The following SGCA variants were observed in gnomAD, a reference collection of about 807,000 sequenced individuals.
SGCA encodes the protein sarcoglycan alpha.
In SGCA, 34 loss-of-function variants were observed where a neutral mutation model predicts 38.1. The ratio of observed to expected loss-of-function variants is 0.89; its 90% CI spans 0.68 to 1.19. The LOEUF (loss-of-function observed/expected upper bound fraction) is 1.19. Ranked by LOEUF, SGCA falls within the 50% of genes most tolerant of loss-of-function variation. SGCA has a pLI of 0.00. For synonymous variants in SGCA, 209 were observed against 214.6 expected (o/e 0.97, Z 0.23); for missense variants, 476 against 524.9 (o/e 0.91, Z 0.91).
chr17:50,175,147 C>T, intron 8 of SGCA, 110 bp from the exon 9 acceptor site: 1 of 999,048 alleles, frequency 1.0e-6, no homozygotes, highest in Non-Finnish European at 1.5e-6. Flanking sequence ...GTCTGAGTCT[C>T]TCCCCACATA....
chr17:50,170,292 G>C lies in SGCA; in HGVS notation c.897G>C (p.Leu299=). Residue 299 remains leucine (L), a synonymous_variant, in exon 7 of 10, where the codon CTG becomes CTC. Coordinates refer to ENST00000262018, the MANE Select transcript of SGCA (RefSeq NM_000023.4). ...TGGTCACCCTCCTGGTGCCCCTGCTGGTGGCCCTGCTTCTCACCTTGCTGC... is the reference window on the plus strand; with the variant it reads ...TGGTCACCCTCCTGGTGCCCCTGCTCGTGGCCCTGCTTCTCACCTTGCTGC... ...DALVTLLVPL[L]VALLLTLLLA... is the part of the protein sequence containing the mutation. 6.2e-7 allele frequency: 1 copy of C among 1,614,206 alleles called. No individual in the cohort carries two copies. Among genetic ancestry groups the C allele is most frequent in the Non-Finnish European group, 8.5e-7 (1 of 1,180,024 alleles).
intron 8 of SGCA, among the ~76,000 whole-genome samples, chr17:50,173,422 C>A (rs1905632884): frequency 7.7e-6 from 1 of 129,702 alleles, no homozygotes; most frequent in Admixed American, 8.4e-5. Flanking sequence ...TGTGCGTGTG[C>A]CTGAGTGTGT....
At chr17:50,169,640 C>A in intron 6 of SGCA, 1 of 326,112 alleles carries the variant, frequency 3.1e-6, no homozygotes, top group South Asian at 3.6e-5. Flanking sequence ...CTAGCAAACC[C>A]ACTTACAACA....
chr17:50,172,677 A>G (rs145676626), intron 8 of SGCA, among the ~76,000 whole-genome samples: 6 of 152,148 alleles, frequency 3.9e-5, no homozygotes, highest in Non-Finnish European at 8.8e-5. Context: ...TGATCCCACC[A>G]TCTTGACCCA....
At chr17:50,170,434 A>T in intron 7 of SGCA, 83 bp downstream of exon 7, 1 of 1,431,644 alleles carries the variant, frequency 7.0e-7, no homozygotes, top group Non-Finnish European at 9.8e-7. Context: ...GCTGTATGGG[A>T]CCCAGACACC....
intron 8 of SGCA, chr17:50,171,321 C>T (rs1259728158): frequency 1.7e-5 from 6 of 356,380 alleles, no homozygotes; most frequent in Non-Finnish European, 3.4e-5. Context: ...AATCCTTCCT[C>T]TCTTATTTTG....
At position 50,167,867 on chromosome 17, in the gene SGCA, C is replaced by T; in HGVS notation, c.313-80C>T. On this transcript the variant is annotated intron_variant, in intron 3 of 9. Transcript: ENST00000262018. The surrounding 1 kb of genome is among the most constrained non-coding windows in gnomAD (Gnocchi z 4.5). ...AATTTACATACCTCTAATTTGGTAT[C>T]TGAGTCCTCTCCTGCCAGGCCCCCG... 1.3e-6 allele frequency: 2 copies of T among 1,531,354 alleles called. No individual in the cohort carries two copies. Among genetic ancestry groups the T allele is most frequent in the African/African-American group, 1.4e-5 (1 of 73,322 alleles). 94.9% of individuals were successfully genotyped at this position (1,531,354 alleles called of 1,614,324 possible).
intron 8 of SGCA, chr17:50,171,833 T>C (rs1380127295): frequency 4.4e-6 from 2 of 456,768 alleles, no homozygotes; most frequent in East Asian, 6.9e-5. Context: ...CAGGGACACA[T>C]ACTTGCAGGT....
chr17:50,170,422 G>C lies in SGCA; in HGVS notation c.956+71G>C, dbSNP rs1316332770. The C allele has an allele frequency of 2.7e-6, 4 of 1,481,494 alleles. No individual in the cohort carries two copies. The African/African-American group carries it at 5.5e-5, about 21-fold the overall frequency. 91.8% of individuals were successfully genotyped at this position (1,481,494 alleles called of 1,614,324 possible). ...ACCCATGGGACTCACAGTGGCACTT[G>C]TGCTGTATGGGACCCAGACACCATG... On this transcript the variant is annotated intron_variant, in intron 7 of 9. Transcript: ENST00000262018.
At chr17:50,171,051 G>A (rs1905349076) in intron 8 of SGCA, among the ~76,000 whole-genome samples, 1 of 152,186 alleles carries the variant, frequency 6.6e-6, no homozygotes, top group African/African-American at 2.4e-5. Context: ...GCGACAGAGT[G>A]AAACTCTTTC....
chr17:50,171,478 C>G lies in SGCA; in HGVS notation c.983+812C>G, dbSNP rs181050621. On this transcript the variant is annotated intron_variant, in intron 8 of 9. Coordinates refer to ENST00000262018, the MANE Select transcript of SGCA (RefSeq NM_000023.4). ...CCCACTGCACTGAGCCAATGGCGGT[C>G]TTGGCACCCCTGACTGCTTGCCTGG... The G allele has an allele frequency of 2.9e-3, 1,311 of 456,582 alleles. 10 individuals carry two copies. Among genetic ancestry groups the G allele is most frequent in the Non-Finnish European group, 4.4e-3 (995 of 226,912 alleles). 28.3% of individuals were successfully genotyped at this position (456,582 alleles called of 1,614,324 possible). A position where few individuals can be genotyped will look rare whatever the true frequency, so the allele number is the denominator to read the frequency against.
At position 50,175,284 on chromosome 17, in the gene SGCA, C is replaced by A. The variant is rs1209145667; in HGVS notation, c.1011C>A (p.Ile337=). The A allele has an allele frequency of 6.2e-7, 1 of 1,607,718 alleles. No homozygotes were observed. Among genetic ancestry groups the A allele is most frequent in the East Asian group, 2.2e-5 (1 of 44,730 alleles). The change falls in exon 9 of 10, where the codon ATC becomes ATA. Residue 337 remains isoleucine, a synonymous_variant. Transcript: ENST00000262018. ...TCCAGATGGTCCACCACTGCACCAT[C>A]CACGGGAACACAGAGGAGCTGCGGC... is the stretch of plus-strand genomic sequence containing the variant. ...SDIQMVHHCT[I]HGNTEELRQM...
Position 50,167,742 on chromosome 17 carries a change from G to A in SGCA, c.312+6G>A, listed in dbSNP as rs371433770. On this transcript the variant is annotated splice_donor_region_variant and intron_variant, in intron 3 of 9. Transcript: ENST00000262018. This position sits in a 1 kb window ranked among gnomAD's most constrained non-coding sequence, Gnocchi z 4.5. ...GTGGGCTCCAGGTCATTGAGGTGCCGTCAGGGACCCTGAGAAAATCACAGG... is the reference window on the plus strand; with the variant it reads ...GTGGGCTCCAGGTCATTGAGGTGCCATCAGGGACCCTGAGAAAATCACAGG... 46 of 1,605,522 alleles carry A rather than the reference G, an allele frequency of 2.9e-5. No homozygotes were observed. The highest frequency in any genetic ancestry group is 6.7e-5 in the African/African-American group (5 of 74,626).
At chr17:50,171,367 A>T in intron 8 of SGCA, 1 of 374,800 alleles carries the variant, frequency 2.7e-6, no homozygotes, top group Non-Finnish European at 5.3e-6. Context: ...TACCCCTCCT[A>T]TGTGCCCCCA....
chr17:50,170,389 G>A (rs1331160514), intron 7 of SGCA, 38 bp downstream of exon 7: 1 of 1,582,372 alleles, frequency 6.3e-7, no homozygotes, highest in Admixed American at 1.7e-5. Flanking sequence ...GCACCTGCTG[G>A]AGCTCACACC....
intron 8 of SGCA, among the ~76,000 whole-genome samples, chr17:50,172,800 C>G (rs549148476): frequency 1.5e-5 from 2 of 133,002 alleles, no homozygotes; most frequent in African/African-American, 3.3e-5. Flanking sequence ...CAGAGATGTA[C>G]GCTAAGTTGA....
intron 8 of SGCA, chr17:50,171,467 C>T: frequency 2.2e-6 from 1 of 456,412 alleles, no homozygotes; most frequent in Non-Finnish European, 4.4e-6. Flanking sequence ...CTGCACTGAG[C>T]CAATGGCGGT....
chr17:50,169,445 A>ACACACACACACC (rs369628436), intron 6 of SGCA, 191 bp downstream of exon 6: 659 of 574,318 alleles, frequency 1.1e-3, no homozygotes, highest in Non-Finnish European at 1.7e-3. Context: ...ACACACACAC[A>ACACACACACACC]CCCCTGAAGT....
In SGCA at chr17:50,167,439, G is replaced by T; in HGVS notation, c.109G>T (p.Val37Leu). The change falls in exon 2 of 10, where the codon GTG (valine) becomes TTG (leucine). Residue 37 changes from valine (V) to leucine (L), a missense_variant. Coordinates refer to ENST00000262018, the MANE Select transcript of SGCA (RefSeq NM_000023.4). The surrounding 1 kb of genome is among the most constrained non-coding windows in gnomAD (Gnocchi z 4.5). Reference sequence around the variant, plus strand: ...ACACCCACTTGTGGGCCGTGTCTTTGTGCACACCTTGGACCATGAGACGTT... The same window carrying T: ...ACACCCACTTGTGGGCCGTGTCTTTTTGCACACCTTGGACCATGAGACGTT... ...TLHPLVGRVF[V>L]HTLDHETFLS... 1.9e-6 allele frequency: 3 copies of T among 1,614,162 alleles called. No homozygotes were observed. The South Asian group carries it at 3.3e-5, about 18-fold the overall frequency.
Sources: gnomAD v4.1 joint callset for allele counts (sites outside exome capture counted in the v4.1 genomes callset) on GRCh38, gnomAD v4.1.1 for gene constraint, Gnocchi (gnomAD v3.1) non-coding constraint, MANE v1.5 for transcripts, NCBI Gene and HGNC (gene_info 2026-07-23, HGNC 2026-07-21) for gene names.